Variants in MYMX observed in about 807,000 individuals in gnomAD.
MYMX encodes myomixer, myoblast fusion factor, also known as protein myomixer.
chr6:44,196,305 C>T, the MYMX span, among the ~76,000 whole-genome samples: 1 of 151,756 alleles, frequency 6.6e-6, no homozygotes, highest in South Asian at 2.1e-4. Context: ...TTGCTGGGTT[C>T]CAGGGAAATA....
chr6:44,217,689 G>A lies in MYMX; in HGVS notation c.218G>A (p.Arg73His), dbSNP rs1468176683. The A allele has an allele frequency of 7.5e-6, 3 of 400,926 alleles. No individual in the cohort carries two copies. Among genetic ancestry groups the A allele is most frequent in the Admixed American group, 4.4e-5 (1 of 22,722 alleles). 24.8% of individuals were successfully genotyped at this position (400,926 alleles called of 1,614,324 possible). ...PDAGEASRVD[R>H]LERRERLGPQ... is the part of the protein sequence containing the mutation. ...GCTGGGGAGGCCTCAAGAGTGGACCGCCTGGAGAGGAGGGAGAGGTTAGGC... is the reference window on the plus strand; with the variant it reads ...GCTGGGGAGGCCTCAAGAGTGGACCACCTGGAGAGGAGGGAGAGGTTAGGC... The change falls in exon 2 of 2, where the codon CGC becomes CAC. Residue 73 changes from arginine to histidine, a missense_variant. Coordinates refer to ENST00000573382, the MANE Select transcript of MYMX (RefSeq NM_001315494.2).
At chr6:44,208,523 C>G in the MYMX span, among the ~76,000 whole-genome samples, 1 of 152,112 alleles carries the variant, frequency 6.6e-6, no homozygotes, top group East Asian at 1.9e-4. Context: ...ATCTCTAGAC[C>G]CCCTAAACTG....
upstream of MYMX, among the ~76,000 whole-genome samples, chr6:44,213,297 A>G (rs1490283168): frequency 6.6e-6 from 1 of 151,870 alleles, no homozygotes; most frequent in Non-Finnish European, 1.5e-5. Flanking sequence ...GAGGCAGGAG[A>G]ATCGCTTGAA....
At chr6:44,201,935 G>A in the MYMX span, among the ~76,000 whole-genome samples, 1 of 152,190 alleles carries the variant, frequency 6.6e-6, no homozygotes. Context: ...CCAGCATGTG[G>A]TTCCAGAGCG....
Position 44,217,518 on chromosome 6 carries a change from G to A in MYMX, c.47G>A (p.Cys16Tyr), listed in dbSNP as rs1200685705. 7.4e-6 allele frequency: 3 copies of A among 404,952 alleles called. No individual in the cohort carries two copies. The highest frequency in any genetic ancestry group is 1.3e-5 in the Non-Finnish European group (3 of 229,778). 25.1% of individuals were successfully genotyped at this position (404,952 alleles called of 1,614,324 possible). A position where few individuals can be genotyped will look rare whatever the true frequency, so the allele number is the denominator to read the frequency against. ...LPLLLRLLLS[C>Y]LLLPAARLAR... is the part of the protein sequence containing the mutation. Reference sequence around the variant, plus strand: ...CTGCTGCTTCGATTGCTGCTGTCCTGCCTGCTGCTGCCTGCTGCCCGCCTG... The same window carrying A: ...CTGCTGCTTCGATTGCTGCTGTCCTACCTGCTGCTGCCTGCTGCCCGCCTG... Residue 16 changes from cysteine (C) to tyrosine (Y), a missense_variant, in exon 2 of 2, where the codon TGC becomes TAC. Physicochemically the swap from Cys to Tyr is radical, Grantham distance 194 (BLOSUM62 -2). Transcript: ENST00000573382.
the MYMX span, among the ~76,000 whole-genome samples, chr6:44,200,579 T>C: frequency 2.4e-4 from 37 of 152,304 alleles, no homozygotes; most frequent in South Asian, 8.3e-4. Context: ...CCTCCCAAAG[T>C]GCTGGGATTA....
the MYMX span, among the ~76,000 whole-genome samples, chr6:44,203,884 G>C: frequency 6.6e-6 from 1 of 152,104 alleles, no homozygotes; most frequent in African/African-American, 2.4e-5. Flanking sequence ...GTCTCGCTCT[G>C]TCACCCAGGC....
chr6:44,200,802 T>C, the MYMX span, among the ~76,000 whole-genome samples: 1 of 152,150 alleles, frequency 6.6e-6, no homozygotes, highest in East Asian at 1.9e-4. Context: ...CTCTGAGGCA[T>C]TGCCAGAGAG....
At chr6:44,203,619 G>C in the MYMX span, among the ~76,000 whole-genome samples, 1 of 152,078 alleles carries the variant, frequency 6.6e-6, no homozygotes, top group African/African-American at 2.4e-5. Flanking sequence ...GGAAATATGC[G>C]GCCTTCCATT....
upstream of MYMX, among the ~76,000 whole-genome samples, chr6:44,216,193 T>A (rs959801246): frequency 5.9e-5 from 9 of 152,328 alleles, no homozygotes; most frequent in South Asian, 1.4e-3. Context: ...GGTGCTCAGG[T>A]GTGTGTGCAG....
At chr6:44,216,755 C>G (rs948254015), upstream of MYMX, among the ~76,000 whole-genome samples, 1 of 152,240 alleles carries the variant, frequency 6.6e-6, no homozygotes, top group African/African-American at 2.4e-5. Context: ...CTCTCCTCCC[C>G]CTAGACTGGG....
chr6:44,208,063 AC>A, the MYMX span, among the ~76,000 whole-genome samples: 1 of 152,104 alleles, frequency 6.6e-6, no homozygotes, highest in Non-Finnish European at 1.5e-5. Context: ...CCTCGTCTCT[AC>A]AAAAAATACA....
At chr6:44,213,655 G>GAA (rs1775717741), upstream of MYMX, among the ~76,000 whole-genome samples, 2 of 152,090 alleles carry the variant, frequency 1.3e-5, no homozygotes, top group Non-Finnish European at 2.9e-5. Flanking sequence ...TCTGACCTCA[G>GAA]GTGATCTGCC....
the MYMX span, among the ~76,000 whole-genome samples, chr6:44,196,419 C>T: frequency 6.6e-6 from 1 of 152,218 alleles, no homozygotes; most frequent in East Asian, 1.9e-4. Flanking sequence ...TGGCTCACAC[C>T]TGTAATGCCA....
At chr6:44,211,154 T>C in the MYMX span, among the ~76,000 whole-genome samples, 10 of 152,212 alleles carry the variant, frequency 6.6e-5, no homozygotes, top group Non-Finnish European at 1.5e-4. Context: ...CTAGAAATTA[T>C]AAAATGATGT....
intron 1 of MYMX, 89 bp downstream of exon 1, chr6:44,217,057 T>C (rs77068356): frequency 7.4e-6 from 1 of 135,036 alleles, no homozygotes; most frequent in Admixed American, 7.4e-5. Flanking sequence ...AAAAGAAAAA[T>C]TGAGAATTGC....
chr6:44,199,980 C>T, the MYMX span, among the ~76,000 whole-genome samples: 191 of 152,120 alleles, frequency 1.3e-3, 1 homozygote, highest in South Asian at 0.024. Context: ...CCACCGTGCC[C>T]GGTCAGAACT....
the MYMX span, among the ~76,000 whole-genome samples, chr6:44,204,818 C>T: frequency 2.6e-5 from 4 of 152,092 alleles, no homozygotes; most frequent in African/African-American, 7.2e-5. Context: ...TTTTGTGGGA[C>T]TCCTGTGCAT....
the MYMX span, among the ~76,000 whole-genome samples, chr6:44,207,540 A>AT: frequency 1.2e-3 from 174 of 141,922 alleles, no homozygotes; most frequent in Middle Eastern, 3.6e-3. Flanking sequence ...CACAGGAAAG[A>AT]TTTTTTTTTT....
Sources: allele counts gnomAD v4.1 joint callset (sites outside exome capture counted in the v4.1 genomes callset), GRCh38; gene constraint gnomAD v4.1.1; transcripts MANE v1.5; gene names NCBI Gene and HGNC (gene_info 2026-07-23, HGNC 2026-07-21).